Variants in PRUNE2 observed in about 807,000 individuals in gnomAD.
PRUNE2 encodes protein prune homolog 2.
PRUNE2 carries 164 observed loss-of-function variants against 252.0 expected under a neutral mutation model. That is an observed-to-expected ratio of 0.65 (90% confidence interval 0.57 to 0.74). The LOEUF is 0.74. Among genes scored for constraint, PRUNE2 ranks in the 30% least tolerant of loss-of-function variants. The pLI is 0.00. For missense variants in PRUNE2, 3,495 were observed against 3,711.0 expected (o/e 0.94, Z 1.51); for synonymous variants, 1,292 against 1,350.2 (o/e 0.96, Z 0.94).
chr9:76,788,302 C>A, intron 6 of PRUNE2: 1 of 618,230 alleles, frequency 1.6e-6, no homozygotes, highest in Non-Finnish European at 2.9e-6. Flanking sequence ...TCGAAAGAAA[C>A]ATCTCTTACC....
chr9:76,897,390 C>CTATTTTTTTTTTTTTTTTTTTTT (rs1564527202), intron 1 of PRUNE2, among the ~76,000 whole-genome samples: 1 of 56,252 alleles, frequency 1.8e-5, no homozygotes. Context: ...AGGCAAACCT[C>CTATTTTTTTTTTTTTTTTTTTTT]TTTTTTTTTT....
chr9:76,758,005 T>A (rs557681942), intron 6 of PRUNE2, among the ~76,000 whole-genome samples: 2 of 152,340 alleles, frequency 1.3e-5, no homozygotes, highest in South Asian at 4.1e-4. Context: ...CTGATTTAGT[T>A]CTGTGAATTA....
At chr9:76,692,395 CGAGT>C (rs770278834) in intron 9 of PRUNE2, 2 of 484,950 alleles carry the variant, frequency 4.1e-6, no homozygotes, top group Non-Finnish European at 7.4e-6. Context: ...CTCCTGCTCC[CGAGT>C]GAGACTGGAT....
rs1373420771 is a variant in PRUNE2 at position 76,711,092 on chromosome 9, C to T, written c.1182G>A (p.Glu394=). Residue 394 remains glutamate (E), a synonymous_variant, in exon 8 of 19, where the codon GAG becomes GAA. Transcript: ENST00000376718. Reference sequence around the variant, plus strand: ...TGAAATTCACAGAGCTGGGTTGTGGCTCTATGTCAGAACCATACAATTCCA... The same window carrying T: ...TGAAATTCACAGAGCTGGGTTGTGGTTCTATGTCAGAACCATACAATTCCA... ...GIMELYGSDI[E]PQPSSVNFIE... 5.6e-6 allele frequency: 9 copies of T among 1,613,896 alleles called. No homozygotes were observed. Among genetic ancestry groups the T allele is most frequent in the Admixed American group, 3.3e-5 (2 of 60,008 alleles).
chr9:76,674,354 T>G (rs558789602), intron 9 of PRUNE2, among the ~76,000 whole-genome samples: 3 of 151,942 alleles, frequency 2.0e-5, no homozygotes, highest in Non-Finnish European at 4.4e-5. Flanking sequence ...ACAAGGGATG[T>G]GAAGGACCTC....
intron 4 of PRUNE2, among the ~76,000 whole-genome samples, chr9:76,831,077 C>T (rs2058646071): frequency 6.6e-6 from 1 of 151,892 alleles, no homozygotes; most frequent in Non-Finnish European, 1.5e-5. Context: ...CTACAGGCAC[C>T]CGCCACCACG....
intron 6 of PRUNE2, among the ~76,000 whole-genome samples, chr9:76,798,307 C>T (rs2056277495): frequency 6.6e-6 from 1 of 152,174 alleles, no homozygotes; most frequent in Non-Finnish European, 1.5e-5. Flanking sequence ...CTTCACCCAG[C>T]ACCTGGCAAC....
intron 4 of PRUNE2, among the ~76,000 whole-genome samples, chr9:76,843,591 T>G (rs2059513119): frequency 6.6e-6 from 1 of 152,212 alleles, no homozygotes; most frequent in Non-Finnish European, 1.5e-5. Flanking sequence ...GCCCATATTA[T>G]GAAAATAATG....
At chr9:76,796,415 G>A (rs867270163) in intron 6 of PRUNE2, among the ~76,000 whole-genome samples, 8 of 152,128 alleles carry the variant, frequency 5.3e-5, no homozygotes, top group African/African-American at 1.9e-4. Flanking sequence ...AGAAACATGC[G>A]TGGTGAGAAA....
At chr9:76,866,649 T>G (rs527763942) in intron 1 of PRUNE2, among the ~76,000 whole-genome samples, 20 of 151,992 alleles carry the variant, frequency 1.3e-4, no homozygotes, top group Admixed American at 5.2e-4. Context: ...GCCTCTCTGC[T>G]GACGTATGTT....
In PRUNE2 at chr9:76,624,462, C is replaced by T; in HGVS notation, c.9178G>A (p.Glu3060Lys). Residue 3060 changes from glutamate to lysine, a missense_variant, in exon 17 of 19, where the codon GAG becomes AAG. Transcript: ENST00000376718. ...KLDEELREAS[E>K]AAKTSCLYND... ...AAAACCAAGTCTTACTTAGCTGCCT[C>T]TGATGCTTCCCTCAGTTCTTCATCC... 7.0e-7 allele frequency: 1 copy of T among 1,430,618 alleles called. No individual in the cohort carries two copies. The highest frequency in any genetic ancestry group is 9.2e-7 in the Non-Finnish European group (1 of 1,087,224). 88.6% of individuals were successfully genotyped at this position (1,430,618 alleles called of 1,614,324 possible).
chr9:76,646,529 AACC>A (rs1160300929), intron 11 of PRUNE2, among the ~76,000 whole-genome samples: 1 of 152,168 alleles, frequency 6.6e-6, no homozygotes, highest in African/African-American at 2.4e-5. Flanking sequence ...ACAGATCATA[AACC>A]ACTGGCTTCA....
At chr9:76,723,481 G>C (rs866530082) in intron 6 of PRUNE2, among the ~76,000 whole-genome samples, 23 of 152,320 alleles carry the variant, frequency 1.5e-4, no homozygotes, top group Middle Eastern at 3.4e-3. Context: ...AGAGGCTAAA[G>C]GGGCTTAGTT....
intron 1 of PRUNE2, among the ~76,000 whole-genome samples, chr9:76,880,181 G>A (rs2061697608): frequency 6.7e-6 from 1 of 149,760 alleles, no homozygotes; most frequent in Admixed American, 6.6e-5. Context: ...CCAAAGTGCT[G>A]GGATTACAGG....
intron 1 of PRUNE2, among the ~76,000 whole-genome samples, chr9:76,865,531 C>G (rs2060785199): frequency 6.6e-6 from 1 of 152,104 alleles, no homozygotes; most frequent in South Asian, 2.1e-4. Context: ...CTTTGTGTCC[C>G]CAAGACTTCC....
chr9:76,707,666 A>G lies in PRUNE2; in HGVS notation c.4608T>C (p.Ile1536=), dbSNP rs779615524. The G allele has an allele frequency of 4.3e-6, 7 of 1,613,926 alleles. No individual in the cohort carries two copies. The highest frequency in any genetic ancestry group is 4.0e-5 in the African/African-American group (3 of 75,044). Residue 1536 remains isoleucine, a synonymous_variant, in exon 8 of 19, where the codon ATT becomes ATC. Coordinates refer to ENST00000376718, the MANE Select transcript of PRUNE2 (RefSeq NM_015225.3). Reference sequence around the variant, plus strand: ...CACTTGAATGAGTATACTCACTAGAAATAGTATCTCTGTCAAAATTTCCAG... The same window carrying G: ...CACTTGAATGAGTATACTCACTAGAGATAGTATCTCTGTCAAAATTTCCAG... ...GSSGNFDRDT[I]SSEYTHSSAS...
intron 10 of PRUNE2, 35 bp downstream of exon 10, chr9:76,655,388 T>C (rs759149621): frequency 2.7e-6 from 4 of 1,474,092 alleles, no homozygotes; most frequent in Non-Finnish European, 2.8e-6. Flanking sequence ...GGATACAGAA[T>C]ACCAACGAAG....
chr9:76,838,550 C>T (rs942826539), intron 4 of PRUNE2, among the ~76,000 whole-genome samples: 3 of 148,482 alleles, frequency 2.0e-5, no homozygotes, highest in Non-Finnish European at 4.4e-5. Flanking sequence ...GAGGCTGAGG[C>T]AGGAGAATTG....
intron 6 of PRUNE2, among the ~76,000 whole-genome samples, chr9:76,742,338 G>A (rs2049704883): frequency 6.6e-6 from 1 of 152,166 alleles, no homozygotes; most frequent in African/African-American, 2.4e-5. Flanking sequence ...GTGAGGCTGG[G>A]CATGGTGGCT....
Sources: gnomAD v4.1 joint callset for allele counts (sites outside exome capture counted in the v4.1 genomes callset) on GRCh38, gnomAD v4.1.1 for gene constraint, MANE v1.5 for transcripts, NCBI Gene and HGNC (gene_info 2026-07-23, HGNC 2026-07-21) for gene names.